The following CHIC2 variants were observed in gnomAD, a reference collection of about 807,000 sequenced individuals.
CHIC2 encodes the protein cysteine-rich hydrophobic domain-containing protein 2.
Under a neutral mutation model 25.9 loss-of-function variants are expected in CHIC2, and 14 were observed. That is an observed-to-expected ratio of 0.54 (90% CI 0.36 to 0.85). The LOEUF is 0.85. Among genes scored for constraint, CHIC2 ranks in the 40% least tolerant of loss-of-function variants. The pLI is 0.01. For synonymous variants in CHIC2, 70 were observed against 72.0 expected, an observed-to-expected ratio of 0.97 and a Z score of 0.14; for missense variants, 146 against 202.0, an observed-to-expected ratio of 0.72 and a Z score of 1.68.
At position 54,064,106 on chromosome 4, in the gene CHIC2, G is replaced by A. The variant is rs1369708327; in HGVS notation, c.119+76C>T. 6 of 1,312,512 alleles carry A rather than the reference G, an allele frequency of 4.6e-6. No individual in the cohort carries two copies. In the South Asian group the frequency reaches 6.4e-5, roughly 14 times the overall value. The allele number at this position is 1,312,512 out of a possible 1,614,324, so 81.3% of individuals were successfully genotyped here. A position where few individuals can be genotyped will look rare whatever the true frequency, so the allele number is the denominator to read the frequency against. On this transcript the variant is annotated intron_variant, in intron 1 of 5. Transcript: ENST00000263921. This position sits in a 1 kb window ranked among gnomAD's most constrained non-coding sequence, Gnocchi z 4.2. Reference sequence around the variant, plus strand: ...GCCCCCGACACCAGACGGACACAGGGGAAACGGGGCTCCCGTGGAGTAACG... The same window carrying A: ...GCCCCCGACACCAGACGGACACAGGAGAAACGGGGCTCCCGTGGAGTAACG...
At chr4:54,066,777 G>A (rs986838374), upstream of CHIC2, among the ~76,000 whole-genome samples, 1 of 152,150 alleles carries the variant, frequency 6.6e-6, no homozygotes, top group African/African-American at 2.4e-5. Flanking sequence ...GGAACCAGGA[G>A]ACTAGTGGCT....
chr4:54,020,900 G>A (rs949153332), intron 3 of CHIC2, among the ~76,000 whole-genome samples: 1 of 152,164 alleles, frequency 6.6e-6, no homozygotes, highest in Non-Finnish European at 1.5e-5. Context: ...AGGGACGCCT[G>A]CCTTGGTCAT....
At chr4:54,056,027 T>C (rs984947027) in intron 1 of CHIC2, among the ~76,000 whole-genome samples, 1 of 152,194 alleles carries the variant, frequency 6.6e-6, no homozygotes, top group Non-Finnish European at 1.5e-5. Flanking sequence ...TTCAGGAAAC[T>C]AGTGAAATCA....
intron 5 of CHIC2, among the ~76,000 whole-genome samples, chr4:54,012,755 T>C (rs1715633088): frequency 6.6e-6 from 1 of 152,106 alleles, no homozygotes; most frequent in Non-Finnish European, 1.5e-5. Context: ...CATTAACATG[T>C]TTGATGTAGT....
At chr4:54,025,585 G>GC (rs1228172338) in intron 3 of CHIC2, among the ~76,000 whole-genome samples, 16 of 152,116 alleles carry the variant, frequency 1.1e-4, no homozygotes, top group Admixed American at 6.5e-4. Flanking sequence ...AAGGCCGGGC[G>GC]CAATAGCTCA....
the CHIC2 span, among the ~76,000 whole-genome samples, chr4:54,069,812 C>T: frequency 2.0e-5 from 3 of 152,216 alleles, no homozygotes; most frequent in Admixed American, 1.3e-4. Flanking sequence ...CATTTGTTCA[C>T]TCATTCATTC....
chr4:54,085,915 A>AC, the CHIC2 span, among the ~76,000 whole-genome samples: 1 of 152,048 alleles, frequency 6.6e-6, no homozygotes, highest in African/African-American at 2.4e-5. Flanking sequence ...AAGTCGTTTA[A>AC]CCTCTCAATA....
the CHIC2 span, among the ~76,000 whole-genome samples, chr4:54,075,078 T>G: frequency 6.6e-6 from 1 of 152,114 alleles, no homozygotes; most frequent in Admixed American, 6.6e-5. Flanking sequence ...GCCACTGCAC[T>G]CACCTGGGCA....
the CHIC2 span, among the ~76,000 whole-genome samples, chr4:54,083,032 T>TTG: frequency 4.4e-5 from 6 of 136,946 alleles, no homozygotes; most frequent in African/African-American, 1.7e-4. Flanking sequence ...TTTTTTTTTT[T>TTG]TTTTTTTTTT....
chr4:54,074,597 A>ACACAC, the CHIC2 span, among the ~76,000 whole-genome samples: 95 of 139,712 alleles, frequency 6.8e-4, 1 homozygote, highest in African/African-American at 2.2e-3. Context: ...ACAACACACA[A>ACACAC]ACACACACAC....
At chr4:54,081,836 A>G in the CHIC2 span, among the ~76,000 whole-genome samples, 1 of 152,278 alleles carries the variant, frequency 6.6e-6, no homozygotes, top group East Asian at 1.9e-4. Context: ...TGCTGGGATT[A>G]TAGGTGTGAG....
chr4:54,031,599 T>C (rs1201368070), intron 3 of CHIC2, among the ~76,000 whole-genome samples: 1 of 149,282 alleles, frequency 6.7e-6, no homozygotes, highest in Non-Finnish European at 1.5e-5. Flanking sequence ...TTAAGTAGCC[T>C]AGATGTACTT....
chr4:54,073,927 T>C, the CHIC2 span, among the ~76,000 whole-genome samples: 824 of 152,220 alleles, frequency 5.4e-3, 15 homozygotes, highest in African/African-American at 0.019. Flanking sequence ...GAGGCTGAGA[T>C]GGGCAGATCA....
rs745743746 is a variant in CHIC2, at chr4:54,010,088, G to A, written c.*7C>T. On this transcript the variant is annotated 3_prime_UTR_variant, in exon 6 of 6. Transcript: ENST00000263921. The stretch of plus-strand genomic sequence containing the variant: ...TACTTGGAAAGTCTCTATAAATAAA[G>A]TAAATGCTAATCTGGTCGAAAAATC... 3 of 1,589,130 alleles carry A rather than the reference G, an allele frequency of 1.9e-6. No homozygotes were observed. Among genetic ancestry groups the A allele is most frequent in the Middle Eastern group, 3.3e-4 (2 of 6,008 alleles).
chr4:54,049,231 T>G lies in CHIC2; in HGVS notation c.174+20A>C. The G allele has an allele frequency of 1.9e-6, 3 of 1,594,700 alleles. No individual in the cohort carries two copies. Among genetic ancestry groups the G allele is most frequent in the Non-Finnish European group, 2.6e-6 (3 of 1,167,102 alleles). ...CTTTCATTTTGAGGCATACAAATAG[T>G]ACATAAATGAGACACTCACTTTTCC... On this transcript the variant is annotated intron_variant, in intron 2 of 5. Transcript: ENST00000263921.
the CHIC2 span, among the ~76,000 whole-genome samples, chr4:54,080,942 GTATATATATATATATATATATA>G: frequency 3.9e-4 from 39 of 101,126 alleles, 2 homozygotes; most frequent in African/African-American, 7.7e-4. Context: ...ATGTGTGTGT[GTATATATATATATATATATATA>G]TATATATATA....
intron 3 of CHIC2, among the ~76,000 whole-genome samples, chr4:54,034,054 G>A (rs1319625809): frequency 6.6e-6 from 1 of 152,032 alleles, no homozygotes; most frequent in Non-Finnish European, 1.5e-5. Context: ...GTCCTGCTGG[G>A]AATTTAGTTT....
At chr4:54,059,246 G>A (rs1457930586) in intron 1 of CHIC2, among the ~76,000 whole-genome samples, 1 of 152,110 alleles carries the variant, frequency 6.6e-6, no homozygotes, top group Non-Finnish European at 1.5e-5. Flanking sequence ...TCTCTGGGAA[G>A]CCACGCATGG....
At chr4:54,065,549 A>AG (rs1421637471), upstream of CHIC2, among the ~76,000 whole-genome samples, 1 of 152,230 alleles carries the variant, frequency 6.6e-6, no homozygotes, top group African/African-American at 2.4e-5. Flanking sequence ...AAGGGGAGGA[A>AG]GGAAGGAAAA....
Sources: allele counts gnomAD v4.1 joint callset (sites outside exome capture counted in the v4.1 genomes callset), GRCh38; gene constraint gnomAD v4.1.1; non-coding constraint Gnocchi (gnomAD v3.1); transcripts MANE v1.5; gene names NCBI Gene and HGNC (gene_info 2026-07-23, HGNC 2026-07-21).